NDUFAF7: variants seen among roughly 807,000 people sequenced by gnomAD.
NDUFAF7 encodes NADH:ubiquinone oxidoreductase complex assembly factor 7.
A neutral mutation model predicts 47.2 loss-of-function variants in NDUFAF7; 48 were observed. The ratio of observed to expected loss-of-function variants is 1.02; its 90% CI spans 0.81 to 1.29. The LOEUF (loss-of-function observed/expected upper bound fraction) is 1.29, where lower values mean the gene tolerates loss of function less well. Among genes scored for constraint, NDUFAF7 ranks in the 50% most tolerant of loss-of-function variants. NDUFAF7 has a pLI of 0.00. For synonymous variants in NDUFAF7, 217 were observed against 190.0 expected (o/e 1.14, Z -1.17); for missense variants, 635 against 537.6 (o/e 1.18, Z -1.79).
intron 7 of NDUFAF7, among the ~76,000 whole-genome samples, chr2:37,245,076 T>G (rs1259515016): frequency 6.6e-6 from 1 of 152,248 alleles, no homozygotes; most frequent in African/African-American, 2.4e-5. Flanking sequence ...GCCACAGTAA[T>G]TTGATTGCAC....
At chr2:37,260,044 A>G in the NDUFAF7 span, among the ~76,000 whole-genome samples, 1 of 152,090 alleles carries the variant, frequency 6.6e-6, no homozygotes, top group East Asian at 1.9e-4. Flanking sequence ...ACACATCTGC[A>G]ATCCTAGATA....
the NDUFAF7 span, chr2:37,260,373 A>T: frequency 1.2e-6 from 2 of 1,611,272 alleles, no homozygotes; most frequent in Non-Finnish European, 1.7e-6. Flanking sequence ...CAATCCCAGG[A>T]TGGTGCAAAT....
downstream of NDUFAF7, among the ~76,000 whole-genome samples, chr2:37,253,567 C>T (rs181483557): frequency 1.6e-4 from 24 of 152,074 alleles, no homozygotes; most frequent in Admixed American, 1.2e-3. Context: ...AATGAATGAA[C>T]GTAACTAATT....
rs1666476204 is a variant in NDUFAF7 at position 37,242,698 on chromosome 2, TGAG to T, written c.681+7_681+9del. ...CTTCCTGTGCATAAATTTCAGGTAT[TGAG>T]GGGGGAAAAAAGTCATGTCTATAAT... On this transcript the variant is annotated splice_donor_region_variant and intron_variant, in intron 6 of 9. Coordinates refer to ENST00000002125, the MANE Select transcript of NDUFAF7 (RefSeq NM_144736.5). 1 of 1,590,018 alleles carries T rather than the reference TGAG, an allele frequency of 6.3e-7. No homozygotes were observed. Among genetic ancestry groups the T allele is most frequent in the African/African-American group, 1.3e-5 (1 of 74,364 alleles).
chr2:37,242,072 C>T (rs968237823), intron 5 of NDUFAF7: 93 of 443,632 alleles, frequency 2.1e-4, no homozygotes, highest in South Asian at 1.8e-4. Context: ...AGGGTTGTAC[C>T]GATGACGGAG....
the NDUFAF7 span, among the ~76,000 whole-genome samples, chr2:37,266,479 CCACACCCGG>C: frequency 3.3e-5 from 5 of 150,078 alleles, no homozygotes; most frequent in African/African-American, 9.8e-5. Context: ...GCATGTGCCA[CCACACCCGG>C]CTTTTTTTTT....
At chr2:37,250,086 T>G (rs1667356084), downstream of NDUFAF7, among the ~76,000 whole-genome samples, 1 of 152,060 alleles carries the variant, frequency 6.6e-6, no homozygotes, top group Non-Finnish European at 1.5e-5. Flanking sequence ...GTGTATTTTA[T>G]GTGTGGCACA....
intron 2 of NDUFAF7, among the ~76,000 whole-genome samples, 171 bp downstream of exon 2, chr2:37,232,437 T>C (rs1665264008): frequency 6.6e-6 from 1 of 152,158 alleles, no homozygotes; most frequent in Admixed American, 6.5e-5. Flanking sequence ...CAGGGCTGGC[T>C]CACGTCAGAG....
In NDUFAF7 at chr2:37,243,935, T is replaced by A; in HGVS notation, c.754T>A (p.Leu252Met). The change falls in exon 7 of 10, where the codon TTG (leucine) becomes ATG (methionine). Residue 252 changes from leucine (L) to methionine (M), a missense_variant. Coordinates refer to ENST00000002125, the MANE Select transcript of NDUFAF7 (RefSeq NM_144736.5). Reference sequence around the variant, plus strand: ...GGTTTCTGATAAACTGAGGTTTGTTTTGGCACCTTCTGCCACCCCAGCAGA... The same window carrying A: ...GGTTTCTGATAAACTGAGGTTTGTTATGGCACCTTCTGCCACCCCAGCAGA... ...PQVSDKLRFV[L>M]APSATPAEAF... is the part of the protein sequence containing the mutation. 6 of 1,614,056 alleles carry A rather than the reference T, an allele frequency of 3.7e-6. No homozygotes were observed. Among genetic ancestry groups the A allele is most frequent in the Non-Finnish European group, 5.1e-6 (6 of 1,179,936 alleles).
intron 4 of NDUFAF7, 32 bp from the exon 5 acceptor site, chr2:37,241,546 A>G (rs760229918): frequency 2.6e-6 from 4 of 1,535,354 alleles, no homozygotes; most frequent in Non-Finnish European, 3.6e-6. Flanking sequence ...TACTTAACAC[A>G]TTGTATTTTT....
downstream of NDUFAF7, chr2:37,254,374 C>G (rs1176747617): frequency 3.1e-6 from 3 of 981,640 alleles, no homozygotes; most frequent in Non-Finnish European, 4.9e-6. Context: ...CAGTTCAACC[C>G]ATAGAAATAC....
intron 5 of NDUFAF7, 90 bp from the exon 6 acceptor site, chr2:37,242,545 G>C (rs1159393513): frequency 1.3e-5 from 13 of 1,009,670 alleles, no homozygotes; most frequent in Non-Finnish European, 2.0e-5. Flanking sequence ...TGATTATGGA[G>C]GAAGTAGGCA....
In NDUFAF7 at chr2:37,243,843, A is replaced by G; in HGVS notation, c.682-20A>G. The G allele has an allele frequency of 1.9e-6, 3 of 1,607,202 alleles. No homozygotes were observed. The highest frequency in any genetic ancestry group is 2.6e-6 in the Non-Finnish European group (3 of 1,174,284). On this transcript the variant is annotated intron_variant, in intron 6 of 9. Transcript: ENST00000002125. ...AACAAACTTGCAAAAATTTGTTTTT[A>G]TGTGTTATTTTGTGTTTAGAAAACA...
rs184698000 is a variant in NDUFAF7 at position 37,247,199 on chromosome 2, G to C, written c.937-257G>C. ...GATAATGGCCTCCAGCTATGTCTAC[G>C]TTGCTGAAAAGGACGTGATTTCATT... On this transcript the variant is annotated intron_variant, in intron 8 of 9. Coordinates refer to ENST00000002125, the MANE Select transcript of NDUFAF7 (RefSeq NM_144736.5). The C allele has an allele frequency of 7.9e-6, 4 of 504,338 alleles. 1 individual carries two copies. The Admixed American group carries it at 1.3e-4, about 17-fold the overall frequency. The allele number at this position is 504,338 out of a possible 1,614,324, so 31.2% of individuals were successfully genotyped here. A position where few individuals can be genotyped will look rare whatever the true frequency, so the allele number is the denominator to read the frequency against.
the NDUFAF7 span, chr2:37,268,565 A>G: frequency 3.8e-6 from 1 of 260,466 alleles, no homozygotes; most frequent in Non-Finnish European, 7.6e-6. Context: ...TGAGAGAAGT[A>G]TGTTGGGTAG....
At chr2:37,253,273 A>G (rs1393112349), downstream of NDUFAF7, 3 of 1,613,340 alleles carry the variant, frequency 1.9e-6, no homozygotes, top group East Asian at 6.7e-5. Context: ...CCCAGCGAGC[A>G]TCATCACTTT....
At chr2:37,233,723 A>G (rs1665453881) in intron 2 of NDUFAF7, among the ~76,000 whole-genome samples, 1 of 152,166 alleles carries the variant, frequency 6.6e-6, no homozygotes, top group Non-Finnish European at 1.5e-5. Context: ...TTTAAAGCCA[A>G]GGAACCAGGG....
intron 3 of NDUFAF7, among the ~76,000 whole-genome samples, chr2:37,236,903 G>C (rs889568818): frequency 6.6e-5 from 10 of 152,196 alleles, no homozygotes; most frequent in Admixed American, 5.9e-4. Flanking sequence ...TGAAGAATTA[G>C]TGGAATTAAG....
the NDUFAF7 span, among the ~76,000 whole-genome samples, chr2:37,261,290 C>T: frequency 6.6e-6 from 1 of 151,644 alleles, no homozygotes; most frequent in Non-Finnish European, 1.5e-5. Flanking sequence ...AGTTCGAGAC[C>T]AGCGTAGCAA....
Sources: gnomAD v4.1 joint callset for allele counts (sites outside exome capture counted in the v4.1 genomes callset) on GRCh38, gnomAD v4.1.1 for gene constraint, MANE v1.5 for transcripts, NCBI Gene and HGNC (gene_info 2026-07-23, HGNC 2026-07-21) for gene names.